Variants in CNOT4 observed in about 807,000 individuals in gnomAD.
CNOT4 encodes CCR4-associated factor 4.
A neutral mutation model predicts 73.8 loss-of-function variants in CNOT4; 8 were observed. The observed-to-expected ratio is 0.11, with a 90% confidence interval of 0.06 to 0.20. The LOEUF is 0.20. Ranked by LOEUF, CNOT4 falls within the 10% of genes least tolerant of loss-of-function variation. CNOT4 has a pLI of 1.00. For synonymous variants in CNOT4, 293 were observed against 321.1 expected (o/e 0.91, Z 0.94); for missense variants, 564 against 883.4 (o/e 0.64, Z 4.58).
intron 10 of CNOT4, among the ~76,000 whole-genome samples, chr7:135,368,905 T>C (rs1360241836): frequency 6.6e-6 from 1 of 152,200 alleles, no homozygotes; most frequent in Non-Finnish European, 1.5e-5. Flanking sequence ...TATCTTTCTG[T>C]TCTCCAGGTT....
intron 1 of CNOT4, among the ~76,000 whole-genome samples, chr7:135,467,489 T>C (rs1049836812): frequency 7.9e-5 from 12 of 151,816 alleles, no homozygotes; most frequent in South Asian, 4.2e-4. Flanking sequence ...GATGAAAAAA[T>C]AGCTTGAGGT....
chr7:135,375,643 G>T (rs1795473679), intron 10 of CNOT4, among the ~76,000 whole-genome samples: 1 of 152,144 alleles, frequency 6.6e-6, no homozygotes, highest in Admixed American at 6.5e-5. Flanking sequence ...CGTGTGTTAG[G>T]GCTGGGCGCG....
intron 10 of CNOT4, chr7:135,388,767 T>G: frequency 6.2e-7 from 1 of 1,606,336 alleles, no homozygotes; most frequent in Non-Finnish European, 8.5e-7. Context: ...CACCCCAGAG[T>G]CTAATCCTCT....
In CNOT4 at chr7:135,417,349, T is replaced by C. The variant is rs143345238; in HGVS notation, c.373-2087A>G. Reference sequence around the variant, plus strand: ...GTTCTAGAGTAGGAATGTACAAGCATTTATATGTACAAATAGTCTTTTTAT... The same window carrying C: ...GTTCTAGAGTAGGAATGTACAAGCACTTATATGTACAAATAGTCTTTTTAT... On this transcript the variant is annotated intron_variant, in intron 3 of 11. Transcript: ENST00000541284. 3.4e-4 allele frequency among the ~76,000 whole-genome samples: 52 copies of C among 152,340 alleles called. 1 individual carries two copies. The highest frequency in any genetic ancestry group is 3.8e-4 in the Non-Finnish European group (26 of 68,034).
intron 1 of CNOT4, among the ~76,000 whole-genome samples, chr7:135,478,401 C>T (rs558250996): frequency 6.6e-6 from 1 of 152,268 alleles, no homozygotes; most frequent in Admixed American, 6.5e-5. Flanking sequence ...AAAAATCAAC[C>T]AGGCCATGAC....
At chr7:135,475,319 A>G (rs1204563107) in intron 1 of CNOT4, among the ~76,000 whole-genome samples, 1 of 152,210 alleles carries the variant, frequency 6.6e-6, no homozygotes, top group African/African-American at 2.4e-5. Context: ...GACAGAGTCA[A>G]TCAACAAAAT....
rs887807997 is a variant in CNOT4 at position 135,363,286 on chromosome 7, A to T, written c.1841-100T>A. The T allele has an allele frequency of 9.7e-7, 1 of 1,035,810 alleles. No individual in the cohort carries two copies. Among genetic ancestry groups the T allele is most frequent in the Non-Finnish European group, 1.5e-6 (1 of 687,064 alleles). 64.2% of individuals were successfully genotyped at this position (1,035,810 alleles called of 1,614,324 possible). A position where few individuals can be genotyped will look rare whatever the true frequency, so the allele number is the denominator to read the frequency against. ...AAAGCAAAACCAAAAGGAAAGACAGAAGAGATTACAATTTTAAACTCCTTC... is the reference window on the plus strand; with the variant it reads ...AAAGCAAAACCAAAAGGAAAGACAGTAGAGATTACAATTTTAAACTCCTTC... On this transcript the variant is annotated intron_variant, in intron 11 of 11. Coordinates refer to ENST00000541284, the MANE Select transcript of CNOT4 (RefSeq NM_001190850.2). The surrounding 1 kb of genome is among the most constrained non-coding windows in gnomAD (Gnocchi z 4.3).
chr7:135,378,540 T>C (rs1795652489), intron 10 of CNOT4, among the ~76,000 whole-genome samples: 1 of 150,732 alleles, frequency 6.6e-6, no homozygotes, highest in Non-Finnish European at 1.5e-5. Context: ...AACAAGAATA[T>C]ACTCGTTTAG....
intron 1 of CNOT4, among the ~76,000 whole-genome samples, chr7:135,501,627 T>A (rs1384483014): frequency 1.3e-5 from 2 of 152,196 alleles, no homozygotes; most frequent in African/African-American, 2.4e-5. Context: ...AACACTCTCA[T>A]GTTTTCTCCT....
At chr7:135,370,717 C>T (rs1795154700) in intron 10 of CNOT4, among the ~76,000 whole-genome samples, 2 of 152,122 alleles carry the variant, frequency 1.3e-5, no homozygotes, top group East Asian at 3.8e-4. Context: ...AGTGACTTTC[C>T]CCAACAAAAT....
chr7:135,432,827 A>C (rs1798924365), intron 2 of CNOT4, among the ~76,000 whole-genome samples: 1 of 152,232 alleles, frequency 6.6e-6, no homozygotes, highest in Admixed American at 6.5e-5. Flanking sequence ...TCCGAAGATG[A>C]AAATTAATTT....
intron 1 of CNOT4, among the ~76,000 whole-genome samples, chr7:135,504,157 A>G (rs921101930): frequency 6.6e-6 from 1 of 152,178 alleles, no homozygotes; most frequent in African/African-American, 2.4e-5. Context: ...TGGATTAATG[A>G]CCATGTATCT....
At chr7:135,423,094 ACT>A (rs1302782514) in intron 2 of CNOT4, among the ~76,000 whole-genome samples, 3 of 152,184 alleles carry the variant, frequency 2.0e-5, no homozygotes, top group African/African-American at 7.2e-5. Flanking sequence ...AGTGATTAAC[ACT>A]GTGTCCTACA....
intron 7 of CNOT4, among the ~76,000 whole-genome samples, chr7:135,406,214 C>T (rs951031968): frequency 6.6e-6 from 1 of 151,998 alleles, no homozygotes; most frequent in Non-Finnish European, 1.5e-5. Context: ...TGACAGTCAG[C>T]CAAAGGCTTA....
intron 10 of CNOT4, among the ~76,000 whole-genome samples, chr7:135,367,949 T>C (rs1412198542): frequency 6.6e-6 from 1 of 151,744 alleles, no homozygotes; most frequent in Non-Finnish European, 1.5e-5. Flanking sequence ...CGATAATATA[T>C]TTAGATGTTT....
intron 1 of CNOT4, 173 bp downstream of exon 1, chr7:135,509,716 G>T (rs1469302914): frequency 1.9e-5 from 5 of 260,550 alleles, no homozygotes; most frequent in Non-Finnish European, 2.9e-5. Flanking sequence ...TGGCGTAAAG[G>T]GGAGAGGGAG....
At chr7:135,368,601 G>T (rs548053159) in intron 10 of CNOT4, among the ~76,000 whole-genome samples, 2 of 152,328 alleles carry the variant, frequency 1.3e-5, no homozygotes, top group East Asian at 3.9e-4. Context: ...ACACGTACGG[G>T]AACGTGTTGG....
At chr7:135,410,881 T>C (rs1188023536) in intron 6 of CNOT4, among the ~76,000 whole-genome samples, 1 of 151,710 alleles carries the variant, frequency 6.6e-6, no homozygotes, top group Non-Finnish European at 1.5e-5. Flanking sequence ...AATTATATGA[T>C]ATATATCTGA....
At chr7:135,500,254 C>T (rs1803871574) in intron 1 of CNOT4, among the ~76,000 whole-genome samples, 1 of 152,086 alleles carries the variant, frequency 6.6e-6, no homozygotes, top group South Asian at 2.1e-4. Flanking sequence ...AGAGGAATAC[C>T]TGAGACATTG....
Sources: gnomAD v4.1 joint callset for allele counts (sites outside exome capture counted in the v4.1 genomes callset) on GRCh38, gnomAD v4.1.1 for gene constraint, Gnocchi (gnomAD v3.1) non-coding constraint, MANE v1.5 for transcripts, NCBI Gene and HGNC (gene_info 2026-07-23, HGNC 2026-07-21) for gene names.